The following NCKAP1 variants were observed in gnomAD, a reference collection of about 807,000 sequenced individuals.
NCKAP1 encodes the protein nck-associated protein 1.
Under a neutral mutation model 151.2 loss-of-function variants are expected in NCKAP1, and 21 were observed. The ratio of observed to expected loss-of-function variants is 0.14; its 90% CI spans 0.10 to 0.20. The LOEUF (loss-of-function observed/expected upper bound fraction) is 0.20, where lower values mean the gene tolerates loss of function less well. Among genes scored for constraint, NCKAP1 ranks in the 10% least tolerant of loss-of-function variants. The pLI is 1.00. For missense variants in NCKAP1, 933 were observed against 1,352.1 expected, an observed-to-expected ratio of 0.69 and a Z score of 4.86; for synonymous variants, 484 against 451.8, an observed-to-expected ratio of 1.07 and a Z score of -0.90.
chr2:183,033,219 G>A (rs1011964829), intron 1 of NCKAP1, among the ~76,000 whole-genome samples: 1 of 152,224 alleles, frequency 6.6e-6, no homozygotes, highest in Non-Finnish European at 1.5e-5. Flanking sequence ...CCTACTGCAT[G>A]CCATAGCTTT....
chr2:183,037,979 G>T lies in NCKAP1; in HGVS notation c.108+13C>A. On this transcript the variant is annotated intron_variant, in intron 1 of 30. Coordinates refer to ENST00000361354, the MANE Select transcript of NCKAP1 (RefSeq NM_013436.5). ...CGCCCGCCTCCGCCGCGGCCTCCCC[G>T]GCCCGTGCGCACCTTCTTGATGTTG... is the stretch of plus-strand genomic sequence containing the variant. 1 of 1,569,548 alleles carries T rather than the reference G, an allele frequency of 6.4e-7. No homozygotes were observed. Among genetic ancestry groups the T allele is most frequent in the Admixed American group, 1.8e-5 (1 of 56,558 alleles).
At chr2:182,933,646 C>T (rs1696811677) in intron 26 of NCKAP1, among the ~76,000 whole-genome samples, 1 of 151,940 alleles carries the variant, frequency 6.6e-6, no homozygotes, top group Non-Finnish European at 1.5e-5. Flanking sequence ...ACCCACCTTG[C>T]TCAGGTGATC....
intron 23 of NCKAP1, among the ~76,000 whole-genome samples, chr2:182,948,964 G>A (rs912804077): frequency 7.9e-5 from 12 of 152,176 alleles, no homozygotes; most frequent in African/African-American, 2.9e-4. Flanking sequence ...TTGTACAGAG[G>A]AAGGAGTGAG....
intron 9 of NCKAP1, among the ~76,000 whole-genome samples, chr2:182,988,517 A>G (rs571341897): frequency 1.3e-5 from 2 of 152,310 alleles, no homozygotes; most frequent in East Asian, 3.9e-4. Context: ...TCAGATAATT[A>G]TTTGCTGAAC....
intron 6 of NCKAP1, 79 bp from the exon 7 acceptor site, chr2:182,995,917 G>T: frequency 1.7e-6 from 2 of 1,208,324 alleles, no homozygotes; most frequent in Non-Finnish European, 1.2e-6. Context: ...ATTGCTGTGT[G>T]TTTCTAACTA....
rs375145402 is a variant in NCKAP1, at chr2:182,926,452, T to C, written c.3270+364A>G. On this transcript the variant is annotated intron_variant, in intron 30 of 30. Coordinates refer to ENST00000361354, the MANE Select transcript of NCKAP1 (RefSeq NM_013436.5). ...GAGGGAAGTGACTAGGCACAGAGAA[T>C]TACAGAAAATTACGAGAAATGGGCA... 3.2e-3 allele frequency among the ~76,000 whole-genome samples: 490 copies of C among 152,052 alleles called. 2 individuals carry two copies. The highest frequency in any genetic ancestry group is 5.5e-3 in the Non-Finnish European group (375 of 67,900).
intron 27 of NCKAP1, 53 bp downstream of exon 27, chr2:182,930,642 G>T: frequency 7.3e-7 from 1 of 1,378,264 alleles, no homozygotes; most frequent in Non-Finnish European, 1.0e-6. Context: ...CTATACCTAT[G>T]CTGCCCTGGT....
chr2:183,035,078 C>G (rs1298882925), intron 1 of NCKAP1, among the ~76,000 whole-genome samples: 1 of 151,932 alleles, frequency 6.6e-6, no homozygotes, highest in Non-Finnish European at 1.5e-5. Flanking sequence ...ATTATTAGGT[C>G]TGCAAAAGGG....
chr2:183,028,844 T>G (rs1461602038), intron 1 of NCKAP1, among the ~76,000 whole-genome samples: 3 of 152,028 alleles, frequency 2.0e-5, no homozygotes, highest in Admixed American at 1.3e-4. Flanking sequence ...CTGGGCTCAG[T>G]GGCTCACGCC....
intron 8 of NCKAP1, 94 bp downstream of exon 8, chr2:182,994,745 T>C (rs16823914): frequency 0.13 from 131,720 of 997,836 alleles, 9,895 homozygotes; most frequent in East Asian, 0.2. Flanking sequence ...GTTAGCACAA[T>C]GCTAAGCACA....
intron 1 of NCKAP1, among the ~76,000 whole-genome samples, chr2:183,026,314 A>T (rs1698895938): frequency 6.6e-6 from 1 of 151,986 alleles, no homozygotes; most frequent in South Asian, 2.1e-4. Flanking sequence ...CAGGGCTTTA[A>T]GAGAAAAAAA....
At chr2:183,022,843 A>G (rs1309363024) in intron 2 of NCKAP1, 2 of 152,224 alleles carry the variant, frequency 1.3e-5, no homozygotes, top group Non-Finnish European at 2.9e-5. Context: ...AAAAGGTGAC[A>G]ATGTATCTTT....
intron 20 of NCKAP1, among the ~76,000 whole-genome samples, chr2:182,955,103 GAC>G (rs1339797594): frequency 1.3e-5 from 2 of 152,174 alleles, no homozygotes; most frequent in African/African-American, 4.8e-5. Flanking sequence ...GAGAACAAAA[GAC>G]AGTTCATCAC....
chr2:182,961,987 A>G (rs946083438), intron 18 of NCKAP1, among the ~76,000 whole-genome samples, 172 bp downstream of exon 18: 6 of 152,242 alleles, frequency 3.9e-5, no homozygotes, highest in African/African-American at 1.4e-4. Flanking sequence ...GTCTTGCCAG[A>G]AAGTTTACAT....
chr2:182,926,744 A>G (rs998381354), intron 30 of NCKAP1, 72 bp downstream of exon 30: 10 of 1,045,266 alleles, frequency 9.6e-6, no homozygotes, highest in Non-Finnish European at 1.4e-5. Context: ...TCAATGACTA[A>G]GATGCCAAGA....
intron 23 of NCKAP1, among the ~76,000 whole-genome samples, chr2:182,947,558 C>A (rs1308056183): frequency 6.6e-6 from 1 of 152,174 alleles, no homozygotes; most frequent in Non-Finnish European, 1.5e-5. Context: ...AGAAATACTT[C>A]ACTATCTTTT....
intron 6 of NCKAP1, 22 bp downstream of exon 6, chr2:183,001,931 A>T: frequency 6.3e-7 from 1 of 1,586,130 alleles, no homozygotes; most frequent in Admixed American, 1.7e-5. Flanking sequence ...ATTCTCTCAT[A>T]TGCCTAACAA....
intron 1 of NCKAP1, among the ~76,000 whole-genome samples, chr2:183,035,582 C>T (rs1009894150): frequency 6.6e-6 from 1 of 151,890 alleles, no homozygotes. Flanking sequence ...GTTTATAATG[C>T]AGTAAGAATG....
chr2:183,023,697 T>C (rs943742192), intron 2 of NCKAP1, 109 bp downstream of exon 2: 20 of 843,752 alleles, frequency 2.4e-5, no homozygotes, highest in Non-Finnish European at 3.4e-5. Flanking sequence ...AATCTGTATA[T>C]CAAAATGTTA....
Sources: allele counts gnomAD v4.1 joint callset (sites outside exome capture counted in the v4.1 genomes callset), GRCh38; gene constraint gnomAD v4.1.1; transcripts MANE v1.5; gene names NCBI Gene and HGNC (gene_info 2026-07-23, HGNC 2026-07-21).